The following OSBPL10 variants were observed in gnomAD, a reference collection of about 807,000 sequenced individuals.
OSBPL10 encodes oxysterol binding protein like 10, also known as oxysterol-binding protein-related protein 10.
OSBPL10 carries 49 observed loss-of-function variants against 81.7 expected under a neutral mutation model. The observed-to-expected ratio is 0.60, with a 90% CI of 0.48 to 0.76. The LOEUF is 0.76. Ranked by LOEUF, OSBPL10 falls within the 30% of genes least tolerant of loss-of-function variation. The pLI, the probability that OSBPL10 is intolerant of heterozygous loss-of-function variation, is 0.00. For missense variants in OSBPL10, 923 were observed against 987.8 expected (o/e 0.93, Z 0.88); for synonymous variants, 419 against 383.6 (o/e 1.09, Z -1.08).
rs545405441 is a variant in OSBPL10, at chr3:31,827,357, C to T, written c.729+2683G>A. On this transcript the variant is annotated intron_variant, in intron 4 of 11. Transcript: ENST00000396556. ...ATTTACAAAATTTAGATCGCTCTGG[C>T]CAGCCGCAGTGGCTCATGCCTGTAA... Among the ~76,000 whole-genome samples, 16 of 152,218 alleles carry T rather than the reference C, an allele frequency of 1.1e-4. No homozygotes were observed. The South Asian group carries it at 2.7e-3, about 26-fold the overall frequency.
chr3:31,873,700 G>C (rs1238095311), intron 3 of OSBPL10, among the ~76,000 whole-genome samples: 5 of 152,072 alleles, frequency 3.3e-5, no homozygotes, highest in Non-Finnish European at 7.4e-5. Flanking sequence ...TGAGAATAAA[G>C]AAGAAACACG....
At chr3:31,953,874 G>C (rs972577527) in intron 1 of OSBPL10, among the ~76,000 whole-genome samples, 5 of 152,222 alleles carry the variant, frequency 3.3e-5, no homozygotes, top group African/African-American at 1.2e-4. Context: ...ACAGAGAAAT[G>C]AAAGAGGAGG....
intron 1 of OSBPL10, among the ~76,000 whole-genome samples, chr3:31,925,744 C>T (rs1391485494): frequency 1.3e-5 from 2 of 151,958 alleles, no homozygotes; most frequent in Non-Finnish European, 1.5e-5. Context: ...ACCTGGGAGA[C>T]GGAGGTTGCA....
intron 1 of OSBPL10, among the ~76,000 whole-genome samples, chr3:31,978,536 G>C (rs1191973219): frequency 3.3e-5 from 5 of 152,184 alleles, no homozygotes; most frequent in African/African-American, 1.2e-4. Flanking sequence ...TGCAAGCACA[G>C]AGTCATCGTA....
intron 8 of OSBPL10, among the ~76,000 whole-genome samples, chr3:31,677,222 G>C (rs761592096): frequency 1.3e-5 from 2 of 152,228 alleles, no homozygotes; most frequent in African/African-American, 2.4e-5. Context: ...GGAGCTCTGA[G>C]TGTGGGAGCC....
chr3:31,763,723 T>C (rs2125728454), intron 4 of OSBPL10, among the ~76,000 whole-genome samples: 1 of 152,276 alleles, frequency 6.6e-6, no homozygotes, highest in East Asian at 1.9e-4. Flanking sequence ...TAGAATTAAT[T>C]TCACTAGTGC....
chr3:32,003,962 TG>T (rs1316500635), intron 2 of OSBPL10, among the ~76,000 whole-genome samples: 1 of 152,082 alleles, frequency 6.6e-6, no homozygotes, highest in Admixed American at 6.5e-5. Flanking sequence ...AAACAACAGC[TG>T]GATTTGGGAA....
At chr3:31,796,120 G>A (rs1022519863) in intron 4 of OSBPL10, 1 of 172,246 alleles carries the variant, frequency 5.8e-6, no homozygotes, top group Non-Finnish European at 1.3e-5. Context: ...GTAAAAATTA[G>A]CTGAAGCCAT....
chr3:31,857,786 G>GCGGAGAGACAAGGAGGT, intron 3 of OSBPL10, among the ~76,000 whole-genome samples: 1 of 125,308 alleles, frequency 8.0e-6, no homozygotes, highest in African/African-American at 3.6e-5. Flanking sequence ...AGGGGGGTGG[G>GCGGAGAGACAAGGAGGT]GGGGAGAGAC....
chr3:31,980,882 G>A lies in OSBPL10; in HGVS notation c.281+17C>T. ...ACACACAGCGGCGCGCGGTGGCGCG[G>A]GCGGCTGGCGCGTTACCTGTTCTGC... On this transcript the variant is annotated intron_variant, in intron 1 of 11. Coordinates refer to ENST00000396556, the MANE Select transcript of OSBPL10 (RefSeq NM_017784.5). 1 of 1,552,270 alleles carries A rather than the reference G, an allele frequency of 6.4e-7. No individual in the cohort carries two copies. The highest frequency in any genetic ancestry group is 2.0e-5 in the Admixed American group (1 of 50,660).
chr3:31,733,985 G>A (rs1575508465), intron 5 of OSBPL10, among the ~76,000 whole-genome samples: 1 of 151,756 alleles, frequency 6.6e-6, no homozygotes, highest in Middle Eastern at 3.4e-3. Flanking sequence ...ACTCCAGCCT[G>A]GGCGACAGAG....
At chr3:31,693,874 C>T (rs1327060668) in intron 7 of OSBPL10, among the ~76,000 whole-genome samples, 1 of 152,096 alleles carries the variant, frequency 6.6e-6, no homozygotes, top group Non-Finnish European at 1.5e-5. Context: ...CTTAAGTGAT[C>T]CTCCTGCCTC....
intron 3 of OSBPL10, among the ~76,000 whole-genome samples, chr3:31,841,776 G>A (rs1037099479): frequency 2.6e-5 from 4 of 152,176 alleles, no homozygotes; most frequent in Non-Finnish European, 5.9e-5. Context: ...ACGGTATTTA[G>A]TCCCTACTGT....
chr3:32,018,868 G>A (rs1224520311), intron 2 of OSBPL10, among the ~76,000 whole-genome samples: 1 of 151,486 alleles, frequency 6.6e-6, no homozygotes, highest in Admixed American at 6.6e-5. Context: ...TCAAAAGGAA[G>A]CAAAAGAACT....
intron 6 of OSBPL10, among the ~76,000 whole-genome samples, chr3:31,729,290 CCCAA>C (rs1696894830): frequency 6.6e-6 from 1 of 152,068 alleles, no homozygotes; most frequent in Non-Finnish European, 1.5e-5. Context: ...GTGCCAAGAG[CCCAA>C]CCAGTCACAG....
chr3:31,852,886 TTTTG>T (rs1472715477), intron 3 of OSBPL10, among the ~76,000 whole-genome samples: 1 of 152,226 alleles, frequency 6.6e-6, no homozygotes, highest in East Asian at 1.9e-4. Context: ...GCTATTCCTG[TTTTG>T]TTTGTTTTAA....
chr3:31,728,971 A>G (rs1197603824), intron 6 of OSBPL10, among the ~76,000 whole-genome samples: 2 of 152,174 alleles, frequency 1.3e-5, no homozygotes, highest in Admixed American at 6.5e-5. Flanking sequence ...GGCCTTTAAA[A>G]AGTTTTGGAT....
At chr3:31,879,618 G>T (rs952655416) in intron 2 of OSBPL10, 37 bp downstream of exon 2, 4 of 1,574,438 alleles carry the variant, frequency 2.5e-6, no homozygotes, top group Non-Finnish European at 3.4e-6. Context: ...ATAGCAACTA[G>T]AGGCCTGTCT....
intron 1 of OSBPL10, among the ~76,000 whole-genome samples, chr3:31,882,316 C>T (rs904306205): frequency 6.6e-6 from 1 of 152,160 alleles, no homozygotes; most frequent in African/African-American, 2.4e-5. Context: ...AACGGTATTT[C>T]TGGTTCTCAT....
Sources: gnomAD v4.1 joint callset for allele counts (sites outside exome capture counted in the v4.1 genomes callset) on GRCh38, gnomAD v4.1.1 for gene constraint, MANE v1.5 for transcripts, NCBI Gene and HGNC (gene_info 2026-07-23, HGNC 2026-07-21) for gene names.